Variants in UNC13C observed in about 807,000 individuals in gnomAD.
UNC13C encodes the protein protein unc-13 homolog C.
UNC13C carries 174 observed loss-of-function variants against 245.4 expected under a neutral mutation model. The ratio of observed to expected loss-of-function variants is 0.71; its 90% CI spans 0.63 to 0.80. UNC13C has a LOEUF of 0.80. UNC13C is among the 30% of genes least tolerant of loss of function. The probability of loss-of-function intolerance (pLI) is 0.00; values close to 1 mark genes in which losing one functional copy is unlikely to be tolerated. For synonymous variants in UNC13C, 992 were observed against 895.1 expected (o/e 1.11, Z -1.93); for missense variants, 2,829 against 2,602.9 (o/e 1.09, Z -1.89).
chr15:54,265,386 T>C lies in UNC13C; in HGVS notation c.3708T>C (p.Asp1236=). Reference sequence around the variant, plus strand: ...CTGCACAGGGTCTACAGGCAAAAGATAAAACAGGGTCTAGTGATCCATATG... The same window carrying C: ...CTGCACAGGGTCTACAGGCAAAAGACAAAACAGGGTCTAGTGATCCATATG... ...VVSAQGLQAK[D]KTGSSDPYVT... The change falls in exon 10 of 33, where the codon GAT becomes GAC. Residue 1236 remains aspartate, a synonymous_variant. Transcript: ENST00000260323. 6.3e-7 allele frequency: 1 copy of C among 1,587,192 alleles called. No homozygotes were observed. The highest frequency in any genetic ancestry group is 1.3e-5 in the African/African-American group (1 of 74,672).
At chr15:54,219,343 T>A (rs1323025131) in intron 4 of UNC13C, among the ~76,000 whole-genome samples, 5 of 151,992 alleles carry the variant, frequency 3.3e-5, no homozygotes, top group African/African-American at 1.2e-4. Context: ...AAACAAGCAA[T>A]GGGGAAAGGA....
At chr15:54,235,244 G>A in intron 5 of UNC13C, 136 bp downstream of exon 5, 1 of 600,880 alleles carries the variant, frequency 1.7e-6, no homozygotes, top group Non-Finnish European at 2.8e-6. Flanking sequence ...GATGCTACCT[G>A]CTGTTATATT....
the UNC13C span, among the ~76,000 whole-genome samples, chr15:53,909,193 G>T: frequency 1.4e-5 from 2 of 146,370 alleles, no homozygotes; most frequent in Admixed American, 7.0e-5. Context: ...CCTTATTCTT[G>T]CAGAAATGCC....
intron 4 of UNC13C, among the ~76,000 whole-genome samples, chr15:54,214,442 A>G (rs1448852358): frequency 6.6e-6 from 1 of 151,884 alleles, no homozygotes; most frequent in East Asian, 1.9e-4. Context: ...GAAACTATAT[A>G]AGAGGATGCA....
At chr15:54,599,688 T>A (rs1283569694) in intron 30 of UNC13C, among the ~76,000 whole-genome samples, 1 of 152,096 alleles carries the variant, frequency 6.6e-6, no homozygotes, top group Non-Finnish European at 1.5e-5. Context: ...TTCCTTTAAG[T>A]AGCCTACTTC....
chr15:53,936,381 G>A, the UNC13C span, among the ~76,000 whole-genome samples: 1 of 152,250 alleles, frequency 6.6e-6, no homozygotes, highest in Admixed American at 6.5e-5. Context: ...TCTCTCCCTA[G>A]GATGGAGCCC....
chr15:54,405,064 T>C (rs2040264571), intron 18 of UNC13C, among the ~76,000 whole-genome samples: 1 of 152,162 alleles, frequency 6.6e-6, no homozygotes, highest in Non-Finnish European at 1.5e-5. Context: ...TAGAATTTCA[T>C]CATTATCAGC....
At chr15:54,047,677 T>G (rs940908077) in intron 2 of UNC13C, among the ~76,000 whole-genome samples, 2 of 152,208 alleles carry the variant, frequency 1.3e-5, no homozygotes, top group African/African-American at 4.8e-5. Flanking sequence ...TTCCGCCTTT[T>G]GCTATTCAAG....
intron 4 of UNC13C, among the ~76,000 whole-genome samples, chr15:54,224,992 AT>A (rs1224000179): frequency 6.9e-6 from 1 of 145,116 alleles, no homozygotes; most frequent in African/African-American, 2.5e-5. Context: ...TGTTTGCAAT[AT>A]TTCCCTTTTC....
intron 23 of UNC13C, among the ~76,000 whole-genome samples, chr15:54,508,212 A>T (rs1441989716): frequency 6.6e-6 from 1 of 152,060 alleles, no homozygotes; most frequent in Non-Finnish European, 1.5e-5. Flanking sequence ...TTACAAGATA[A>T]TACATGTCTA....
chr15:54,583,925 C>T (rs1199777490), intron 30 of UNC13C, among the ~76,000 whole-genome samples: 4 of 152,348 alleles, frequency 2.6e-5, no homozygotes, highest in Middle Eastern at 3.4e-3. Flanking sequence ...CACACCCCCA[C>T]GGGAAAGCCC....
At chr15:54,028,887 T>G (rs1896238130) in intron 2 of UNC13C, among the ~76,000 whole-genome samples, 1 of 152,064 alleles carries the variant, frequency 6.6e-6, no homozygotes, top group Non-Finnish European at 1.5e-5. Flanking sequence ...AACCTCACTG[T>G]GCTCCATTTC....
chr15:54,368,150 T>C (rs941516629), intron 17 of UNC13C, among the ~76,000 whole-genome samples: 4 of 151,802 alleles, frequency 2.6e-5, no homozygotes, highest in African/African-American at 9.7e-5. Flanking sequence ...CTAGCCAGAG[T>C]TTCTTACTAT....
chr15:54,056,816 A>G (rs960011355), intron 2 of UNC13C, among the ~76,000 whole-genome samples: 5 of 152,212 alleles, frequency 3.3e-5, no homozygotes, highest in Non-Finnish European at 7.3e-5. Context: ...AAACATTCTT[A>G]AAGAAAAGAA....
At chr15:54,222,110 C>T (rs908476595) in intron 4 of UNC13C, among the ~76,000 whole-genome samples, 2 of 151,902 alleles carry the variant, frequency 1.3e-5, no homozygotes, top group African/African-American at 4.8e-5. Context: ...ACAAACAATT[C>T]GATCATACTA....
intron 2 of UNC13C, among the ~76,000 whole-genome samples, chr15:54,087,659 T>C (rs1192178189): frequency 6.6e-6 from 1 of 152,086 alleles, no homozygotes; most frequent in Non-Finnish European, 1.5e-5. Context: ...ACTACTCCAG[T>C]TACCACTGAG....
the UNC13C span, among the ~76,000 whole-genome samples, chr15:53,967,323 T>G: frequency 8.5e-6 from 1 of 117,368 alleles, no homozygotes; most frequent in Admixed American, 8.0e-5. Flanking sequence ...GAGCACAATT[T>G]TTTTTTTGTT....
chr15:54,016,078 A>G (rs975641422), intron 2 of UNC13C, among the ~76,000 whole-genome samples, 192 bp downstream of exon 2: 11 of 152,212 alleles, frequency 7.2e-5, no homozygotes, highest in African/African-American at 2.4e-4. Context: ...TTTAAAATCA[A>G]AGAATATGTT....
intron 18 of UNC13C, among the ~76,000 whole-genome samples, chr15:54,402,251 T>C (rs2040203276): frequency 1.3e-5 from 2 of 152,102 alleles, no homozygotes; most frequent in Admixed American, 6.6e-5. Flanking sequence ...CAAAAGTAAT[T>C]TAAAAACTGT....
Sources: gnomAD v4.1 joint callset for allele counts (sites outside exome capture counted in the v4.1 genomes callset) on GRCh38, gnomAD v4.1.1 for gene constraint, MANE v1.5 for transcripts, NCBI Gene and HGNC (gene_info 2026-07-23, HGNC 2026-07-21) for gene names.